The following PSD3 variants were observed in gnomAD, a reference collection of about 807,000 sequenced individuals.
PSD3 encodes the protein PH and SEC7 domain-containing protein 3.
A neutral mutation model predicts 105.5 loss-of-function variants in PSD3; 49 were observed. The ratio of observed to expected loss-of-function variants is 0.46; its 90% confidence interval spans 0.37 to 0.59. The LOEUF is 0.59. PSD3 is among the 20% of genes least tolerant of loss of function. The pLI, the probability that PSD3 is intolerant of heterozygous loss-of-function variation, is 0.00. For synonymous variants in PSD3, 557 were observed against 457.8 expected, an observed-to-expected ratio of 1.22 and a Z score of -2.77; for missense variants, 1,561 against 1,263.8, an observed-to-expected ratio of 1.24 and a Z score of -3.57.
intron 9 of PSD3, among the ~76,000 whole-genome samples, chr8:18,708,782 C>T (rs1180030170): frequency 6.6e-6 from 1 of 151,568 alleles, no homozygotes; most frequent in Non-Finnish European, 1.5e-5. Flanking sequence ...GCTGAGGGAT[C>T]CGGATTATCT....
rs552280946 is a variant in PSD3, at chr8:18,620,647, T to A, written c.2410+11966A>T. On this transcript the variant is annotated intron_variant, in intron 11 of 15. Coordinates refer to ENST00000327040, the MANE Select transcript of PSD3 (RefSeq NM_015310.4). ...ACTGCTTGAGCCTGGGAGGCAGAGG[T>A]TGCAGTGAGCCCAGATCACACCACT... 1.4e-4 allele frequency among the ~76,000 whole-genome samples: 22 copies of A among 152,182 alleles called. No individual in the cohort carries two copies. In the South Asian group the frequency reaches 4.4e-3, roughly 30 times the overall value.
intron 11 of PSD3, among the ~76,000 whole-genome samples, chr8:18,604,540 T>C (rs1411017585): frequency 6.7e-6 from 1 of 149,920 alleles, no homozygotes; most frequent in Non-Finnish European, 1.5e-5. Context: ...GGCCACGTGA[T>C]AGAAAAAAAA....
At chr8:18,601,873 G>T (rs1413627038) in intron 11 of PSD3, among the ~76,000 whole-genome samples, 1 of 152,200 alleles carries the variant, frequency 6.6e-6, no homozygotes, top group Non-Finnish European at 1.5e-5. Context: ...CTGCTGCAGA[G>T]CAGGGCCTCA....
intron 1 of PSD3, among the ~76,000 whole-genome samples, chr8:19,068,562 A>G (rs780344951): frequency 5.3e-4 from 81 of 152,120 alleles, no homozygotes; most frequent in Non-Finnish European, 9.7e-4. Context: ...AGGTGCTGGG[A>G]TTACATGCGT....
At chr8:18,729,794 T>C (rs901732) in intron 9 of PSD3, among the ~76,000 whole-genome samples, 143,302 of 152,216 alleles carry the variant, frequency 0.94, 67,550 homozygotes, top group Non-Finnish European at 0.96. Context: ...ATCCCTATCT[T>C]GAGCCTACTA....
intron 11 of PSD3, among the ~76,000 whole-genome samples, chr8:18,611,057 G>A (rs1336056718): frequency 6.6e-6 from 1 of 152,084 alleles, no homozygotes; most frequent in South Asian, 2.1e-4. Flanking sequence ...TATACAGGCA[G>A]TAACATAAAC....
At chr8:18,685,443 A>G (rs955058805) in intron 9 of PSD3, among the ~76,000 whole-genome samples, 1 of 150,490 alleles carries the variant, frequency 6.6e-6, no homozygotes, top group African/African-American at 2.5e-5. Flanking sequence ...TTCATCTCCT[A>G]TTTTTAAAGC....
rs550710986 is a variant in PSD3, at chr8:18,569,461, C to A, written c.2784+3067G>T. 3.9e-3 allele frequency among the ~76,000 whole-genome samples: 589 copies of A among 150,282 alleles called. 5 individuals carry two copies. Among genetic ancestry groups the A allele is most frequent in the African/African-American group, 0.013 (542 of 40,742 alleles). On this transcript the variant is annotated intron_variant, in intron 14 of 15. Transcript: ENST00000327040. Reference sequence around the variant, plus strand: ...CACAAGCATTCTTATACACCAACAACAGACAAACAGAGAGCCAAATCATGA... The same window carrying A: ...CACAAGCATTCTTATACACCAACAAAAGACAAACAGAGAGCCAAATCATGA...
At chr8:18,857,734 G>A (rs1816130029) in intron 4 of PSD3, among the ~76,000 whole-genome samples, 1 of 152,162 alleles carries the variant, frequency 6.6e-6, no homozygotes, top group Non-Finnish European at 1.5e-5. Flanking sequence ...AGTAGGTCAG[G>A]GTGGGGCTGA....
chr8:18,762,090 C>T (rs1489112442), intron 9 of PSD3, among the ~76,000 whole-genome samples: 1 of 152,136 alleles, frequency 6.6e-6, no homozygotes, highest in Non-Finnish European at 1.5e-5. Flanking sequence ...TGTGTCCCCA[C>T]CAAAACTCAT....
At chr8:18,795,815 C>T (rs1346632484) in intron 8 of PSD3, among the ~76,000 whole-genome samples, 1 of 152,178 alleles carries the variant, frequency 6.6e-6, no homozygotes, top group Non-Finnish European at 1.5e-5. Flanking sequence ...CATATCAAAT[C>T]TTATCCATAC....
At chr8:19,018,527 A>G (rs1383815570), upstream of PSD3, among the ~76,000 whole-genome samples, 2 of 152,216 alleles carry the variant, frequency 1.3e-5, no homozygotes, top group Non-Finnish European at 2.9e-5. Context: ...TTGAATCAAG[A>G]GAAATGTTCC....
intron 11 of PSD3, among the ~76,000 whole-genome samples, chr8:18,606,642 G>C (rs1212183029): frequency 6.6e-6 from 1 of 152,112 alleles, no homozygotes; most frequent in Non-Finnish European, 1.5e-5. Context: ...CAGGATGCAG[G>C]AGATATTGCA....
At chr8:18,967,792 TG>T (rs1047047624) in intron 1 of PSD3, among the ~76,000 whole-genome samples, 1 of 152,182 alleles carries the variant, frequency 6.6e-6, no homozygotes, top group Non-Finnish European at 1.5e-5. Context: ...AATGGAGGCA[TG>T]TGAAAGATAC....
At chr8:18,755,472 C>CATAACATAAT (rs1161711780) in intron 9 of PSD3, among the ~76,000 whole-genome samples, 2 of 151,168 alleles carry the variant, frequency 1.3e-5, no homozygotes, top group African/African-American at 4.9e-5. Flanking sequence ...CATAACATAA[C>CATAACATAAT]ATAACATAAC....
chr8:18,828,069 T>TATATATATA (rs534987630), intron 4 of PSD3, among the ~76,000 whole-genome samples: 115 of 97,866 alleles, frequency 1.2e-3, no homozygotes, highest in African/African-American at 5.0e-3. Flanking sequence ...ATATATATAT[T>TATATATATA]TTTTTTTTTT....
At position 19,070,684 on chromosome 8, in the gene PSD3, T is replaced by A. The variant is rs112616339; in HGVS notation, c.324+13522A>T. Among the ~76,000 whole-genome samples, 528 of 152,054 alleles carry A rather than the reference T, an allele frequency of 3.5e-3. 11 individuals are homozygous for A. Among genetic ancestry groups the A allele is most frequent in the South Asian group, 0.026 (126 of 4,824 alleles). ...GAAAGTGAGACTCTGTCTCAAAAAATAAGAAATATATATATAAACAGAAGC... is the reference window on the plus strand; with the variant it reads ...GAAAGTGAGACTCTGTCTCAAAAAAAAAGAAATATATATATAAACAGAAGC... On this transcript the variant is annotated intron_variant, in intron 1 of 1. Coordinates refer to the PSD3 transcript ENST00000521475.
intron 9 of PSD3, chr8:18,762,774 G>A (rs560769728): frequency 2.9e-5 from 12 of 414,690 alleles, no homozygotes; most frequent in Non-Finnish European, 4.4e-5. Context: ...TAAATCAACT[G>A]AATTGAAGGA....
chr8:18,819,669 C>G (rs1184255672), intron 4 of PSD3, among the ~76,000 whole-genome samples: 3 of 150,430 alleles, frequency 2.0e-5, no homozygotes, highest in Admixed American at 6.7e-5. Flanking sequence ...ACCTCCGCCT[C>G]CAGGGTTCAT....
Sources: gnomAD v4.1 joint callset for allele counts (sites outside exome capture counted in the v4.1 genomes callset) on GRCh38, gnomAD v4.1.1 for gene constraint, MANE v1.5 for transcripts, NCBI Gene and HGNC (gene_info 2026-07-23, HGNC 2026-07-21) for gene names.